The following SH3GL2 variants were observed in gnomAD, a reference collection of about 807,000 sequenced individuals.
The protein encoded by SH3GL2 is endophilin-A1.
A neutral mutation model predicts 46.0 loss-of-function variants in SH3GL2; 24 were observed. The observed-to-expected ratio is 0.52, with a 90% confidence interval of 0.38 to 0.73. The LOEUF (loss-of-function observed/expected upper bound fraction) is 0.73, where lower values mean the gene tolerates loss of function less well. Among genes scored for constraint, SH3GL2 ranks in the 30% least tolerant of loss-of-function variants. The pLI is 0.00. For missense variants in SH3GL2, 413 were observed against 424.2 expected (o/e 0.97, Z 0.23); for synonymous variants, 196 against 147.1 (o/e 1.33, Z -2.40).
At chr9:17,626,827 C>T (rs979951246) in intron 1 of SH3GL2, among the ~76,000 whole-genome samples, 1 of 152,138 alleles carries the variant, frequency 6.6e-6, no homozygotes, top group African/African-American at 2.4e-5. Flanking sequence ...CCGTGTCTCT[C>T]ATAGATATCT....
intron 2 of SH3GL2, among the ~76,000 whole-genome samples, chr9:17,751,902 A>G (rs184610917): frequency 2.7e-4 from 41 of 152,230 alleles, no homozygotes; most frequent in African/African-American, 9.6e-4. Flanking sequence ...AAACAAGATG[A>G]GCTTTGAAGA....
intron 1 of SH3GL2, among the ~76,000 whole-genome samples, chr9:17,607,135 G>A (rs1818775342): frequency 6.6e-6 from 1 of 152,150 alleles, no homozygotes; most frequent in Admixed American, 6.5e-5. Context: ...GATATATTCT[G>A]AGAAATGCAT....
intron 3 of SH3GL2, among the ~76,000 whole-genome samples, chr9:17,774,758 T>C (rs1033427736): frequency 2.6e-5 from 4 of 152,160 alleles, no homozygotes; most frequent in African/African-American, 9.6e-5. Context: ...AGTTGTCTTG[T>C]AGTGTCTTTG....
At chr9:17,792,345 G>GT (rs1242621926) in intron 7 of SH3GL2, among the ~76,000 whole-genome samples, 4 of 152,154 alleles carry the variant, frequency 2.6e-5, no homozygotes, top group Admixed American at 2.6e-4. Context: ...ATGTGTCTTT[G>GT]TAATGTCTCT....
Position 17,760,921 on chromosome 9 carries a change from G to A in SH3GL2, c.115-516G>A, listed in dbSNP as rs75263132. On this transcript the variant is annotated intron_variant, in intron 2 of 8. Coordinates refer to ENST00000380607, the MANE Select transcript of SH3GL2 (RefSeq NM_003026.5). ...GAACAAATTTGGAGGATAGACTCTA[G>A]CATCAAGATTTTTGTTTAGCATTAA... 5.1e-3 allele frequency among the ~76,000 whole-genome samples: 770 copies of A among 152,254 alleles called. 7 individuals carry two copies. The highest frequency in any genetic ancestry group is 0.018 in the African/African-American group (739 of 41,536).
Position 17,793,443 on chromosome 9 carries a change from G to A in SH3GL2, c.805G>A (p.Asp269Asn), listed in dbSNP as rs1316184108. The A allele has an allele frequency of 6.2e-7, 1 of 1,611,900 alleles. No individual in the cohort carries two copies. Among genetic ancestry groups the A allele is most frequent in the Admixed American group, 1.7e-5 (1 of 59,388 alleles). ...AATGAGCCTGGAGTTTCCAACTGGA[G>A]ACAGTACTCAGCCCAATGGGGGTCT... Reference protein sequence around the residue: ...PRMSLEFPTGDSTQPNGGLSH... With the variant: ...PRMSLEFPTGNSTQPNGGLSH... The change falls in exon 8 of 9, where the codon GAC (aspartate) becomes AAC (asparagine). Residue 269 changes from aspartate (D) to asparagine (N), a missense_variant. By Grantham distance (23) the Asp-to-Asn change is conservative (BLOSUM62 1). Around this residue, in one of 3 missense-constraint regions of SH3GL2, gnomAD observed 248 missense variants for 215.0 expected, o/e 1.15. Transcript: ENST00000380607.
At chr9:17,625,405 C>T (rs771388815) in intron 1 of SH3GL2, among the ~76,000 whole-genome samples, 1 of 152,182 alleles carries the variant, frequency 6.6e-6, no homozygotes, top group Admixed American at 6.5e-5. Context: ...CCTTTCATTG[C>T]CTCCTAACTT....
intron 1 of SH3GL2, among the ~76,000 whole-genome samples, chr9:17,671,376 G>A (rs1820470422): frequency 6.6e-6 from 1 of 152,048 alleles, no homozygotes; most frequent in African/African-American, 2.4e-5. Context: ...CTGGAGATTA[G>A]GAAGGGTAGT....
At chr9:17,607,866 C>G (rs1818788603) in intron 1 of SH3GL2, among the ~76,000 whole-genome samples, 2 of 152,256 alleles carry the variant, frequency 1.3e-5, no homozygotes, top group Admixed American at 6.5e-5. Flanking sequence ...TCATCACAAA[C>G]TGATCATTCA....
Position 17,755,288 on chromosome 9 carries a change from T to G in SH3GL2, c.115-6149T>G, listed in dbSNP as rs188829086. Among the ~76,000 whole-genome samples, 337 of 152,356 alleles carry G rather than the reference T, an allele frequency of 2.2e-3. 1 individual carries two copies. Among genetic ancestry groups the G allele is most frequent in the African/African-American group, 7.6e-3 (315 of 41,586 alleles). On this transcript the variant is annotated intron_variant, in intron 2 of 8. Coordinates refer to ENST00000380607, the MANE Select transcript of SH3GL2 (RefSeq NM_003026.5). ...GTTCTGTTTATGTGATGAATCATAT[T>G]TATTGATTTGCATATGTTGAACCAA...
In SH3GL2 at chr9:17,791,425, C is replaced by G. The variant is rs1588340926; in HGVS notation, c.728+91C>G. ...GGAAATCATAGAATACATTTGGAGA[C>G]AAACGTCTGCCAAAATTCCGCTTAT... On this transcript the variant is annotated intron_variant, in intron 7 of 8. Transcript: ENST00000380607. 1.2e-5 allele frequency: 11 copies of G among 937,678 alleles called. No homozygotes were observed. The East Asian group carries it at 2.7e-4, about 23-fold the overall frequency. 58.1% of individuals were successfully genotyped at this position (937,678 alleles called of 1,614,324 possible).
chr9:17,659,957 A>G (rs1820174451), intron 1 of SH3GL2, among the ~76,000 whole-genome samples: 1 of 152,168 alleles, frequency 6.6e-6, no homozygotes, highest in African/African-American at 2.4e-5. Flanking sequence ...GTAAACATGG[A>G]TAATGGTAAC....
At chr9:17,653,734 A>G in intron 1 of SH3GL2, 1 of 182,980 alleles carries the variant, frequency 5.5e-6, no homozygotes, top group Non-Finnish European at 1.0e-5. Flanking sequence ...TTTATTGCTC[A>G]GAGGAACTTA....
chr9:17,795,344 C>T (rs956812586), intron 8 of SH3GL2, among the ~76,000 whole-genome samples, 200 bp from the exon 9 acceptor site: 3 of 152,144 alleles, frequency 2.0e-5, no homozygotes, highest in Non-Finnish European at 1.5e-5. Context: ...GAGAAAGCTT[C>T]TGAGGATTGG....
chr9:17,795,556 A>G lies in SH3GL2; in HGVS notation c.872A>G (p.Asp291Gly). 3 of 1,613,906 alleles carry G rather than the reference A, an allele frequency of 1.9e-6. No individual in the cohort carries two copies. Among genetic ancestry groups the G allele is most frequent in the Non-Finnish European group, 2.5e-6 (3 of 1,179,860 alleles). The change falls in exon 9 of 9, where the codon GAT becomes GGT. Residue 291 changes from aspartate to glycine, a missense_variant. Coordinates refer to ENST00000380607, the MANE Select transcript of SH3GL2 (RefSeq NM_003026.5). ...GTPKPSGVQMDQPCCRALYDF... is the reference protein window; with the variant it reads ...GTPKPSGVQMGQPCCRALYDF... Reference sequence around the variant, plus strand: ...CTCTTACTCCCAGGTGTCCAAATGGATCAGCCCTGCTGCCGAGCTCTGTAC... The same window carrying G: ...CTCTTACTCCCAGGTGTCCAAATGGGTCAGCCCTGCTGCCGAGCTCTGTAC...
chr9:17,602,147 G>A lies in SH3GL2; in HGVS notation c.45+22860G>A, dbSNP rs993224067. ...AAAGACTGAAGAGTGACAATCAGACGTCTTTAAAGTTCTCTTTTGGACCCA... is the reference window on the plus strand; with the variant it reads ...AAAGACTGAAGAGTGACAATCAGACATCTTTAAAGTTCTCTTTTGGACCCA... On this transcript the variant is annotated intron_variant, in intron 1 of 8. Transcript: ENST00000380607. Among the ~76,000 whole-genome samples, 6 of 152,254 alleles carry A rather than the reference G, an allele frequency of 3.9e-5. No individual in the cohort carries two copies. The South Asian group carries it at 6.2e-4, about 16-fold the overall frequency.
chr9:17,759,197 C>T (rs1311524043), intron 2 of SH3GL2, among the ~76,000 whole-genome samples: 1 of 152,154 alleles, frequency 6.6e-6, no homozygotes, highest in Non-Finnish European at 1.5e-5. Context: ...ACCCGTGAAA[C>T]TGAGGGCCTG....
intron 1 of SH3GL2, among the ~76,000 whole-genome samples, chr9:17,736,996 T>A (rs1009262908): frequency 2.0e-5 from 3 of 152,078 alleles, no homozygotes; most frequent in Non-Finnish European, 4.4e-5. Context: ...ATGTGGCACA[T>A]ATACACCATG....
At chr9:17,784,411 G>A (rs1011823105) in intron 3 of SH3GL2, among the ~76,000 whole-genome samples, 1 of 152,154 alleles carries the variant, frequency 6.6e-6, no homozygotes, top group African/African-American at 2.4e-5. Context: ...AATAGGATTT[G>A]TAGGGATTAA....
Sources: allele counts gnomAD v4.1 joint callset (sites outside exome capture counted in the v4.1 genomes callset), GRCh38; gene constraint gnomAD v4.1.1; regional missense constraint gnomAD v4.1.1; transcripts MANE v1.5; gene names NCBI Gene and HGNC (gene_info 2026-07-23, HGNC 2026-07-21).